Variants in ADGRV1 observed in about 807,000 individuals in gnomAD.
ADGRV1 encodes the protein G-protein coupled receptor 98.
In ADGRV1, 359 loss-of-function variants were observed where a neutral mutation model predicts 596.2. That is an observed-to-expected ratio of 0.60 (90% confidence interval 0.55 to 0.66). ADGRV1 has a LOEUF of 0.66. Ranked by LOEUF, ADGRV1 falls within the 30% of genes least tolerant of loss-of-function variation. The pLI, the probability that ADGRV1 is intolerant of heterozygous loss-of-function variation, is 0.00. For synonymous variants in ADGRV1, 2,681 were observed against 2,679.2 expected (o/e 1.00, Z -0.02); for missense variants, 7,274 against 7,575.6 (o/e 0.96, Z 1.48).
chr5:90,784,545 G>A (rs946098840), intron 67 of ADGRV1, among the ~76,000 whole-genome samples: 1 of 152,156 alleles, frequency 6.6e-6, no homozygotes, highest in African/African-American at 2.4e-5. Flanking sequence ...GCTGAAAGAT[G>A]CATTAGGAGA....
At chr5:90,679,324 T>A (rs1339654779) in intron 25 of ADGRV1, among the ~76,000 whole-genome samples, 1 of 152,220 alleles carries the variant, frequency 6.6e-6, no homozygotes, top group African/African-American at 2.4e-5. Flanking sequence ...AGTTACAGTC[T>A]ACATGGAGTA....
chr5:90,643,070 T>C (rs1206006965), intron 13 of ADGRV1, 29 bp downstream of exon 13: 1 of 1,553,284 alleles, frequency 6.4e-7, no homozygotes. Context: ...TCTTTGTGTT[T>C]CTCTGTAAGA....
At chr5:91,075,251 A>C (rs1012384581) in intron 86 of ADGRV1, among the ~76,000 whole-genome samples, 5 of 152,156 alleles carry the variant, frequency 3.3e-5, no homozygotes, top group African/African-American at 4.8e-5. Context: ...TAAAATGTAC[A>C]TTCTTTTGGG....
At chr5:90,644,665 C>T (rs754985749) in intron 14 of ADGRV1, 41 bp from the exon 15 acceptor site, 17 of 1,495,906 alleles carry the variant, frequency 1.1e-5, no homozygotes, top group East Asian at 9.5e-5. Flanking sequence ...TTAAAAGTTT[C>T]GTATGTCTTC....
intron 87 of ADGRV1, among the ~76,000 whole-genome samples, chr5:91,105,916 TATAA>T (rs1169279334): frequency 2.6e-5 from 4 of 151,056 alleles, no homozygotes; most frequent in Admixed American, 2.6e-4. Context: ...TTTATAATTT[TATAA>T]ATAGATTCTT....
rs1303818493 is a variant in ADGRV1 at position 90,985,583 on chromosome 5, C to G, written c.18152+61C>G. 2.3e-6 allele frequency: 3 copies of G among 1,302,734 alleles called. No homozygotes were observed. The African/African-American group carries it at 4.4e-5, about 19-fold the overall frequency. 80.7% of individuals were successfully genotyped at this position (1,302,734 alleles called of 1,614,324 possible). ...CATGTACCTAAGCAGATTTCGTTGC[C>G]ATAAGAGCTGTGATTGAATAAGTAC... On this transcript the variant is annotated intron_variant, in intron 85 of 89. Transcript: ENST00000405460.
intron 84 of ADGRV1, among the ~76,000 whole-genome samples, chr5:90,975,584 T>G (rs1779491374): frequency 6.6e-6 from 1 of 152,162 alleles, no homozygotes; most frequent in African/African-American, 2.4e-5. Context: ...ACCATCATTC[T>G]CAGCAAACTG....
Position 90,693,922 on chromosome 5 carries a change from A to G in ADGRV1, c.7166A>G (p.Tyr2389Cys), listed in dbSNP as rs1426977872. The part of the protein sequence containing the change: ...GGHFGRLLLF[Y>C]STSDIDVVAL... ...CACTTTGGTCGGCTGTTGTTGTTCT[A>G]CAGTACTTCCGACATTGATGTAGTG... Residue 2389 changes from tyrosine to cysteine, a missense_variant, in exon 33 of 90, where the codon TAC (tyrosine) becomes TGC (cysteine). Coordinates refer to ENST00000405460, the MANE Select transcript of ADGRV1 (RefSeq NM_032119.4). 5.0e-6 allele frequency: 8 copies of G among 1,585,544 alleles called. No homozygotes were observed. Among genetic ancestry groups the G allele is most frequent in the Non-Finnish European group, 6.9e-6 (8 of 1,163,270 alleles).
At chr5:90,886,329 C>T (rs1770279990) in intron 83 of ADGRV1, among the ~76,000 whole-genome samples, 1 of 152,168 alleles carries the variant, frequency 6.6e-6, no homozygotes, top group Non-Finnish European at 1.5e-5. Context: ...CAACTACCAA[C>T]TGCTAGAGGT....
chr5:90,720,585 T>C (rs192302297), intron 44 of ADGRV1, among the ~76,000 whole-genome samples: 1 of 152,242 alleles, frequency 6.6e-6, no homozygotes, highest in Admixed American at 6.5e-5. Flanking sequence ...ATTAACATGA[T>C]TGTGGTTTTA....
chr5:90,613,676 C>A (rs17542086), intron 1 of ADGRV1, among the ~76,000 whole-genome samples: 10,770 of 152,148 alleles, frequency 0.071, 449 homozygotes, highest in Non-Finnish European at 0.093. Flanking sequence ...GCATCCCTGT[C>A]TGGATTTTAG....
At chr5:90,904,817 A>G (rs555740710) in intron 83 of ADGRV1, among the ~76,000 whole-genome samples, 3 of 152,152 alleles carry the variant, frequency 2.0e-5, no homozygotes, top group South Asian at 2.1e-4. Context: ...GCCTAGACCA[A>G]TGTCCTGGAG....
intron 87 of ADGRV1, among the ~76,000 whole-genome samples, chr5:91,127,691 A>T (rs1485479641): frequency 6.6e-6 from 1 of 152,216 alleles, no homozygotes; most frequent in Non-Finnish European, 1.5e-5. Context: ...TCTTAGTGAC[A>T]GCTTAAATCC....
intron 53 of ADGRV1, among the ~76,000 whole-genome samples, chr5:90,752,130 G>A (rs1356876445): frequency 1.3e-5 from 2 of 152,098 alleles, no homozygotes; most frequent in East Asian, 3.9e-4. Flanking sequence ...GTAGAATTGT[G>A]CTAGGCAATA....
At chr5:90,736,715 C>A (rs938364660) in intron 50 of ADGRV1, among the ~76,000 whole-genome samples, 1 of 151,544 alleles carries the variant, frequency 6.6e-6, no homozygotes, top group South Asian at 2.1e-4. Flanking sequence ...TGTGTCTAGA[C>A]GTTTATTCAT....
chr5:90,610,542 T>C (rs919374189), intron 1 of ADGRV1, among the ~76,000 whole-genome samples: 3 of 151,860 alleles, frequency 2.0e-5, no homozygotes, highest in African/African-American at 4.8e-5. Context: ...GAGGGGAAAA[T>C]ATTAGACTGT....
chr5:90,687,666 A>G (rs951019543), intron 29 of ADGRV1, among the ~76,000 whole-genome samples: 1 of 152,164 alleles, frequency 6.6e-6, no homozygotes, highest in African/African-American at 2.4e-5. Context: ...TCTCAGCGCA[A>G]AATCTCCTTA....
Position 90,807,492 on chromosome 5 carries a change from A to C in ADGRV1, c.14837-110A>C, listed in dbSNP as rs1196190501. The C allele has an allele frequency of 5.7e-6, 6 of 1,049,002 alleles. No individual in the cohort carries two copies. In the African/African-American group the frequency reaches 8.0e-5, roughly 14 times the overall value. 65.0% of individuals were successfully genotyped at this position (1,049,002 alleles called of 1,614,324 possible). A position where few individuals can be genotyped will look rare whatever the true frequency, so the allele number is the denominator to read the frequency against. ...TTTAAAAATGTTTTACCTTTTGTGAACTATAATTGAATTTTGGAAAAGAAA... is the reference window on the plus strand; with the variant it reads ...TTTAAAAATGTTTTACCTTTTGTGACCTATAATTGAATTTTGGAAAAGAAA... On this transcript the variant is annotated intron_variant, in intron 72 of 89. Coordinates refer to ENST00000405460, the MANE Select transcript of ADGRV1 (RefSeq NM_032119.4).
At chr5:91,138,872 A>G (rs1794868741) in intron 87 of ADGRV1, among the ~76,000 whole-genome samples, 1 of 151,816 alleles carries the variant, frequency 6.6e-6, no homozygotes, top group Non-Finnish European at 1.5e-5. Context: ...CCTGGGTTCA[A>G]GCAATTCTTG....
Sources: allele counts gnomAD v4.1 joint callset (sites outside exome capture counted in the v4.1 genomes callset), GRCh38; gene constraint gnomAD v4.1.1; transcripts MANE v1.5; gene names NCBI Gene and HGNC (gene_info 2026-07-23, HGNC 2026-07-21).